KIF21A: variants seen among roughly 807,000 people sequenced by gnomAD.
KIF21A encodes kinesin-like protein KIF21A.
In KIF21A, 114 loss-of-function variants were observed where a neutral mutation model predicts 202.9. The ratio of observed to expected loss-of-function variants is 0.56; its 90% CI spans 0.48 to 0.66. The LOEUF (loss-of-function observed/expected upper bound fraction) is 0.66. Among genes scored for constraint, KIF21A ranks in the 30% least tolerant of loss-of-function variants. The pLI, the probability that KIF21A is intolerant of heterozygous loss-of-function variation, is 0.00. For missense variants in KIF21A, 1,677 were observed against 1,994.9 expected, an observed-to-expected ratio of 0.84 and a Z score of 3.04; for synonymous variants, 667 against 670.8, an observed-to-expected ratio of 0.99 and a Z score of 0.09.
Position 39,332,331 on chromosome 12 carries a change from T to C in KIF21A, c.2934A>G (p.Gly978=), listed in dbSNP as rs758007533. The C allele has an allele frequency of 6.2e-7, 1 of 1,613,790 alleles. No homozygotes were observed. The highest frequency in any genetic ancestry group is 8.5e-7 in the Non-Finnish European group (1 of 1,179,778). ...REKIVKENGE[G]DKNVANINEE... ...CATTGATATTAGCCACATTTTTATC[T>C]CCCTCTCCATTCTCCTTGACTATCT... The change falls in exon 21 of 38, where the codon GGA becomes GGG. Residue 978 remains glycine (G), a synonymous_variant. Transcript: ENST00000361418.
In KIF21A at chr12:39,340,193, T is replaced by C; in HGVS notation, c.2282A>G (p.Gln761Arg). ...QYEKQLKKLQ[Q>R]DVMEMKKTKV... ...TGTTTTTTTCATTTCCATCACATCC[T>C]GCTGCAATTTCTTCAATTGCTTTTC... The change falls in exon 16 of 38, where the codon CAG (glutamine) becomes CGG (arginine). Residue 761 changes from glutamine to arginine, a missense_variant. Around this residue, in one of 3 missense-constraint regions of KIF21A, gnomAD observed 966 missense variants for 1,180.9 expected, o/e 0.82. Transcript: ENST00000361418. 1 of 1,612,950 alleles carries C rather than the reference T, an allele frequency of 6.2e-7. No homozygotes were observed. The highest frequency in any genetic ancestry group is 8.5e-7 in the Non-Finnish European group (1 of 1,179,442).
At chr12:39,360,887 A>G (rs937175237) in intron 7 of KIF21A, among the ~76,000 whole-genome samples, 1 of 152,210 alleles carries the variant, frequency 6.6e-6, no homozygotes, top group Non-Finnish European at 1.5e-5. Flanking sequence ...TTTTCTTTTA[A>G]GTTTAATTTG....
At chr12:39,340,576 A>G (rs1212752618) in intron 15 of KIF21A, among the ~76,000 whole-genome samples, 1 of 152,118 alleles carries the variant, frequency 6.6e-6, no homozygotes, top group African/African-American at 2.4e-5. Context: ...TTATGTTAAA[A>G]TGTCCCCAAC....
At position 39,319,245 on chromosome 12, in the gene KIF21A, GA is replaced by G. The variant is rs1389331825; in HGVS notation, c.3779+660del. On this transcript the variant is annotated intron_variant, in intron 28 of 37. Transcript: ENST00000361418. ...GTCTGAGATCTGCCTGTCACATGCA[GA>G]ACAGGTAAACTGAGGGAGGGGTGGC... Among the ~76,000 whole-genome samples the G allele has an allele frequency of 5.3e-5, 8 of 152,156 alleles. No homozygotes were observed. The East Asian group carries it at 1.5e-3, about 29-fold the overall frequency.
At chr12:39,352,106 G>T in intron 10 of KIF21A, 126 bp from the exon 11 acceptor site, 1 of 742,738 alleles carries the variant, frequency 1.3e-6, no homozygotes, top group Non-Finnish European at 2.3e-6. Flanking sequence ...AATCTATATT[G>T]TTCTGCAACC....
At chr12:39,318,327 T>C in intron 28 of KIF21A, 126 bp from the exon 29 acceptor site, 1 of 890,952 alleles carries the variant, frequency 1.1e-6, no homozygotes, top group Non-Finnish European at 1.7e-6. Flanking sequence ...CCTTTCTTCC[T>C]TTTTTGTAAG....
chr12:39,301,171 A>G (rs560010529), intron 37 of KIF21A, among the ~76,000 whole-genome samples: 1 of 152,316 alleles, frequency 6.6e-6, no homozygotes, highest in South Asian at 2.1e-4. Context: ...TGCCTTTCTG[A>G]AAATAAAAAT....
In KIF21A at chr12:39,357,280, C is replaced by T. The variant is rs781683151; in HGVS notation, c.1373G>A (p.Ser458Asn). ...ALRSRITQLVSDQANHVLARA... is the reference protein window; with the variant it reads ...ALRSRITQLVNDQANHVLARA... ...GGCAAGAACATGGTTGGCCTGATCA[C>T]TAACAAGCTGTGTAATTCTGGACCT... The change falls in exon 9 of 38, where the codon AGT becomes AAT. Residue 458 changes from serine to asparagine, a missense_variant. By Grantham distance (46) the Ser-to-Asn change is conservative (BLOSUM62 1). Around this residue, in one of 3 missense-constraint regions of KIF21A, gnomAD observed 966 missense variants for 1,180.9 expected, o/e 0.82. Coordinates refer to ENST00000361418, the MANE Select transcript of KIF21A (RefSeq NM_001173464.2). 1 of 1,614,192 alleles carries T rather than the reference C, an allele frequency of 6.2e-7. No individual in the cohort carries two copies. The highest frequency in any genetic ancestry group is 1.1e-5 in the South Asian group (1 of 91,084).
At chr12:39,430,603 AT>A (rs938349241) in intron 1 of KIF21A, among the ~76,000 whole-genome samples, 1 of 151,742 alleles carries the variant, frequency 6.6e-6, no homozygotes, top group Non-Finnish European at 1.5e-5. Flanking sequence ...ATATCAATTT[AT>A]TTTTTTGTGA....
intron 1 of KIF21A, among the ~76,000 whole-genome samples, chr12:39,416,257 T>C (rs1298277009): frequency 6.6e-6 from 1 of 152,130 alleles, no homozygotes; most frequent in Non-Finnish European, 1.5e-5. Flanking sequence ...TGGTTTGTCA[T>C]CTTTAAAACA....
chr12:39,396,123 A>C (rs1222597442), intron 1 of KIF21A, among the ~76,000 whole-genome samples: 1 of 152,148 alleles, frequency 6.6e-6, no homozygotes, highest in Non-Finnish European at 1.5e-5. Context: ...GTGATTACCT[A>C]AGATAGCCAT....
chr12:39,388,070 T>C (rs934051327), intron 1 of KIF21A, among the ~76,000 whole-genome samples: 1 of 152,156 alleles, frequency 6.6e-6, no homozygotes, highest in Admixed American at 6.6e-5. Context: ...TGCATGTTTG[T>C]CTCCCACAAA....
At chr12:39,405,255 G>A (rs1178160294) in intron 1 of KIF21A, among the ~76,000 whole-genome samples, 2 of 152,076 alleles carry the variant, frequency 1.3e-5, no homozygotes, top group Non-Finnish European at 2.9e-5. Context: ...GGGAGGCTGA[G>A]GCAGGAGAAT....
At chr12:39,416,739 A>ATATATATGTACATATATATATGTG (rs1566268818) in intron 1 of KIF21A, among the ~76,000 whole-genome samples, 4 of 78,774 alleles carry the variant, frequency 5.1e-5, no homozygotes. Context: ...ATATATGTGT[A>ATATATATGTACATATATATATGTG]TATATATATG....
chr12:39,403,742 C>T (rs1431099246), intron 1 of KIF21A, among the ~76,000 whole-genome samples: 3 of 152,250 alleles, frequency 2.0e-5, no homozygotes, highest in East Asian at 3.9e-4. Context: ...AACATGAGAA[C>T]TCATTATTTT....
intron 37 of KIF21A, 105 bp downstream of exon 37, chr12:39,301,375 A>G (rs963182500): frequency 2.9e-5 from 27 of 935,256 alleles, no homozygotes; most frequent in Non-Finnish European, 3.6e-5. Context: ...TAGAATGATT[A>G]TAAGAAGGAT....
At chr12:39,326,871 G>A (rs992418474) in intron 24 of KIF21A, among the ~76,000 whole-genome samples, 3 of 152,200 alleles carry the variant, frequency 2.0e-5, no homozygotes, top group Non-Finnish European at 4.4e-5. Flanking sequence ...TCAGCATGCA[G>A]CTCATTCACA....
chr12:39,319,241 T>C (rs1399001267), intron 28 of KIF21A, among the ~76,000 whole-genome samples: 2 of 152,196 alleles, frequency 1.3e-5, no homozygotes, highest in Non-Finnish European at 1.5e-5. Context: ...GCCTGTCACA[T>C]GCAGAACAGG....
At chr12:39,405,821 A>G (rs1952539791) in intron 1 of KIF21A, among the ~76,000 whole-genome samples, 1 of 152,196 alleles carries the variant, frequency 6.6e-6, no homozygotes, top group East Asian at 1.9e-4. Flanking sequence ...GAAGTTGATC[A>G]TTCTTAACTA....
Sources: gnomAD v4.1 joint callset for allele counts (sites outside exome capture counted in the v4.1 genomes callset) on GRCh38, gnomAD v4.1.1 for gene constraint, gnomAD v4.1.1 regional missense constraint, MANE v1.5 for transcripts, NCBI Gene and HGNC (gene_info 2026-07-23, HGNC 2026-07-21) for gene names.